Variants in MICAL2 observed in about 807,000 individuals in gnomAD.
The protein encoded by MICAL2 is [F-actin]-monooxygenase MICAL2.
Under a neutral mutation model 127.3 loss-of-function variants are expected in MICAL2, and 77 were observed. The observed-to-expected ratio is 0.60, with a 90% CI of 0.50 to 0.73. MICAL2 has a LOEUF of 0.73. MICAL2 is among the 30% of genes least tolerant of loss of function. MICAL2 has a pLI of 0.00. For missense variants in MICAL2, 1,351 were observed against 1,434.4 expected (o/e 0.94, Z 0.94); for synonymous variants, 570 against 551.1 (o/e 1.03, Z -0.48).
At chr11:12,335,953 A>G (rs1405018195) in intron 32 of MICAL2, among the ~76,000 whole-genome samples, 4 of 152,192 alleles carry the variant, frequency 2.6e-5, no homozygotes, top group Non-Finnish European at 5.9e-5. Flanking sequence ...TTTTGGTTCC[A>G]TATGAACTTT....
intron 31 of MICAL2, among the ~76,000 whole-genome samples, chr11:12,326,878 A>G (rs942821812): frequency 1.2e-4 from 18 of 152,220 alleles, no homozygotes; most frequent in Admixed American, 5.9e-4. Flanking sequence ...ACCTCACCCA[A>G]CAGCCTCTGT....
chr11:12,240,777 G>A (rs1216375948), intron 17 of MICAL2, among the ~76,000 whole-genome samples: 1 of 152,242 alleles, frequency 6.6e-6, no homozygotes, highest in Non-Finnish European at 1.5e-5. Flanking sequence ...CTGTGTCTGA[G>A]CCAAAAGCAA....
At chr11:12,360,777 T>A (rs73409420), downstream of MICAL2, among the ~76,000 whole-genome samples, 95 of 152,356 alleles carry the variant, frequency 6.2e-4, no homozygotes, top group African/African-American at 2.2e-3. Flanking sequence ...CAGGCTGTGC[T>A]CTGTGGTTTA....
intron 29 of MICAL2, among the ~76,000 whole-genome samples, chr11:12,311,507 G>A (rs1168880619): frequency 1.3e-5 from 2 of 152,196 alleles, no homozygotes; most frequent in African/African-American, 2.4e-5. Flanking sequence ...TGCCTCTGGG[G>A]TTGAAGAGAT....
chr11:12,305,171 G>T (rs958159628), intron 29 of MICAL2, among the ~76,000 whole-genome samples: 10 of 152,156 alleles, frequency 6.6e-5, no homozygotes, highest in Non-Finnish European at 1.0e-4. Context: ...AAGGAAAAAG[G>T]TTTAATTGAC....
chr11:12,232,226 A>G (rs528438269), intron 15 of MICAL2, among the ~76,000 whole-genome samples: 2 of 152,330 alleles, frequency 1.3e-5, no homozygotes, highest in South Asian at 4.1e-4. Context: ...CTGTACTGCA[A>G]CCACAATCAA....
upstream of MICAL2, chr11:12,274,381 C>G (rs1197734086): frequency 6.6e-6 from 1 of 152,102 alleles, no homozygotes; most frequent in Non-Finnish European, 1.5e-5. Flanking sequence ...AAAATCACTG[C>G]TTACATTCTA....
At position 12,162,388 on chromosome 11, in the gene MICAL2, A is replaced by T; in HGVS notation, c.233A>T (p.Tyr78Phe). 8 of 1,614,270 alleles carry T rather than the reference A, an allele frequency of 5.0e-6. No individual in the cohort carries two copies. The highest frequency in any genetic ancestry group is 6.8e-6 in the Non-Finnish European group (8 of 1,180,044). The change falls in exon 3 of 28, where the codon TAT becomes TTT. Residue 78 changes from tyrosine (Y) to phenylalanine (F), a missense_variant. Coordinates refer to ENST00000683283, the MANE Select transcript of MICAL2 (RefSeq NM_001282663.2). ...GATAAGCGTGGTTCCCACAAAGAGT[A>T]TAAGCGAGGGAAGTCGTGCACGAAC... ...KLDKRGSHKEYKRGKSCTNTK... is the reference protein window; with the variant it reads ...KLDKRGSHKEFKRGKSCTNTK...
intron 1 of MICAL2, among the ~76,000 whole-genome samples, chr11:12,111,867 G>A (rs116464282): frequency 6.6e-6 from 1 of 152,156 alleles, no homozygotes; most frequent in African/African-American, 2.4e-5. Flanking sequence ...AGTGGCAGTC[G>A]ACCCAACAAG....
At chr11:12,347,435 A>G (rs1031877875) in intron 32 of MICAL2, among the ~76,000 whole-genome samples, 5 of 152,216 alleles carry the variant, frequency 3.3e-5, no homozygotes, top group African/African-American at 1.2e-4. Context: ...ATATCACTGT[A>G]TCTCCAGTAC....
downstream of MICAL2, chr11:12,293,986 G>A (rs1236322430): frequency 1.2e-6 from 2 of 1,614,180 alleles, no homozygotes; most frequent in Admixed American, 1.7e-5. Context: ...TCCTCACTCA[G>A]GAGCAGAAGA....
chr11:12,265,159 T>C (rs112945210), downstream of MICAL2, among the ~76,000 whole-genome samples: 1,276 of 152,332 alleles, frequency 8.4e-3, 22 homozygotes, highest in African/African-American at 0.028. Flanking sequence ...TCCTCCCCCG[T>C]CCTGGAGACT....
At position 12,344,985 on chromosome 11, in the gene MICAL2, G is replaced by A. The variant is rs1938931033; in HGVS notation, c.5516-4853G>A. ...AAAATTAGCTGGTGTTGTGGTGGGC[G>A]CCTGTAGTCCCAGCTACTCGGGAGG... On this transcript the variant is annotated intron_variant, in intron 32 of 34. Coordinates refer to the MICAL2 transcript ENST00000646065. Among the ~76,000 whole-genome samples, 10 of 151,778 alleles carry A rather than the reference G, an allele frequency of 6.6e-5. No individual in the cohort carries two copies. In the South Asian group the frequency reaches 1.7e-3, roughly 25 times the overall value.
intron 15 of MICAL2, 52 bp from the exon 16 acceptor site, chr11:12,236,125 C>T: frequency 1.3e-6 from 2 of 1,510,780 alleles, no homozygotes; most frequent in Non-Finnish European, 1.8e-6. Flanking sequence ...CTTAGTGGGA[C>T]TGAAGCCCTT....
At chr11:12,340,032 T>G (rs1043534906) in intron 32 of MICAL2, among the ~76,000 whole-genome samples, 4 of 152,240 alleles carry the variant, frequency 2.6e-5, no homozygotes, top group African/African-American at 9.6e-5. Context: ...AGCTATAGAC[T>G]GGAGCTGTTC....
At chr11:12,358,070 G>A (rs981930768) in intron 34 of MICAL2, among the ~76,000 whole-genome samples, 10 of 152,066 alleles carry the variant, frequency 6.6e-5, no homozygotes, top group South Asian at 2.1e-4. Flanking sequence ...TTTCCCTGTC[G>A]CTTTGTACAT....
chr11:12,287,644 T>C (rs1474213331), downstream of MICAL2, among the ~76,000 whole-genome samples: 2 of 152,050 alleles, frequency 1.3e-5, no homozygotes, highest in African/African-American at 4.8e-5. Context: ...CCCCTACACA[T>C]ACACACACAT....
chr11:12,244,151 A>G (rs2094043937), intron 21 of MICAL2, 39 bp downstream of exon 21: 7 of 1,610,774 alleles, frequency 4.3e-6, no homozygotes, highest in Non-Finnish European at 5.9e-6. Flanking sequence ...TATTCCCTGC[A>G]TGTTCCCAGA....
rs551870466 is a variant in MICAL2 at position 12,279,261 on chromosome 11, C to T, written c.88-1672C>T. On this transcript the variant is annotated intron_variant, in intron 1 of 2. Coordinates refer to the MICAL2 transcript ENST00000529028. ...TATGTATAGAGAAATGACCTTTGGA[C>T]TTTCCAACGGGAGGCTCATTGTTAA... 6.6e-5 allele frequency among the ~76,000 whole-genome samples: 10 copies of T among 152,262 alleles called. No homozygotes were observed. In the East Asian group the frequency reaches 1.9e-3, roughly 29 times the overall value.
Sources: allele counts gnomAD v4.1 joint callset (sites outside exome capture counted in the v4.1 genomes callset), GRCh38; gene constraint gnomAD v4.1.1; transcripts MANE v1.5; gene names NCBI Gene and HGNC (gene_info 2026-07-23, HGNC 2026-07-21).